Variants in PRKACB observed in about 807,000 individuals in gnomAD.
PRKACB encodes cAMP-dependent protein kinase catalytic subunit beta.
In PRKACB, 16 loss-of-function variants were observed where a neutral mutation model predicts 51.4. That is an observed-to-expected ratio of 0.31 (90% confidence interval 0.21 to 0.47). PRKACB has a LOEUF of 0.47. Among genes scored for constraint, PRKACB ranks in the 20% least tolerant of loss-of-function variants. PRKACB has a pLI of 1.00. For synonymous variants in PRKACB, 147 were observed against 154.4 expected, an observed-to-expected ratio of 0.95 and a Z score of 0.35; for missense variants, 309 against 464.5, an observed-to-expected ratio of 0.67 and a Z score of 3.08.
At chr1:84,203,519 A>G (rs1343781694) in intron 8 of PRKACB, among the ~76,000 whole-genome samples, 2 of 151,934 alleles carry the variant, frequency 1.3e-5, no homozygotes, top group Non-Finnish European at 2.9e-5. Flanking sequence ...TCTTTTTTTA[A>G]AAGACCATTG....
At chr1:84,080,001 C>G (rs959996256) in intron 1 of PRKACB, among the ~76,000 whole-genome samples, 6 of 152,104 alleles carry the variant, frequency 3.9e-5, no homozygotes, top group Non-Finnish European at 7.4e-5. Context: ...AATATAGTAA[C>G]TAACTGTGCA....
intron 1 of PRKACB, among the ~76,000 whole-genome samples, chr1:84,135,871 A>G (rs1282261588): frequency 6.6e-6 from 1 of 152,078 alleles, no homozygotes; most frequent in Non-Finnish European, 1.5e-5. Context: ...AAGAAGAGCA[A>G]TTTAAGCCCA....
Position 84,137,765 on chromosome 1 carries a change from A to G in PRKACB, c.47-41412A>G, listed in dbSNP as rs181871374. Among the ~76,000 whole-genome samples, 20 of 152,336 alleles carry G rather than the reference A, an allele frequency of 1.3e-4. No homozygotes were observed. The East Asian group carries it at 2.7e-3, about 21-fold the overall frequency. On this transcript the variant is annotated intron_variant, in intron 1 of 8. Coordinates refer to the PRKACB transcript ENST00000370688. ...CCAGGTTAACAATTCTGATATTTCT[A>G]TATGTATATACTGAAATTGAACAAG...
At chr1:84,220,820 T>C (rs1029005380) in intron 9 of PRKACB, among the ~76,000 whole-genome samples, 5 of 152,168 alleles carry the variant, frequency 3.3e-5, no homozygotes, top group African/African-American at 1.2e-4. Context: ...ATATATTTGT[T>C]GTGTTGTTGG....
chr1:84,222,594 C>T (rs1359860805), intron 9 of PRKACB, among the ~76,000 whole-genome samples: 1 of 152,082 alleles, frequency 6.6e-6, no homozygotes, highest in Non-Finnish European at 1.5e-5. Context: ...GTCTGCCCTA[C>T]CAGTGACTTT....
chr1:84,087,006 A>G (rs1030819972), intron 1 of PRKACB, among the ~76,000 whole-genome samples: 1 of 152,258 alleles, frequency 6.6e-6, no homozygotes, highest in Non-Finnish European at 1.5e-5. Context: ...CTGATCTTTG[A>G]AGATATTTTC....
chr1:84,229,478 C>T (rs787872), intron 9 of PRKACB, among the ~76,000 whole-genome samples: 57,151 of 117,930 alleles, frequency 0.48, 13,217 homozygotes, highest in Non-Finnish European at 0.62. Context: ...AATGGTATTT[C>T]TAGTTCTAGA....
intron 1 of PRKACB, among the ~76,000 whole-genome samples, chr1:84,086,538 T>C (rs529811476): frequency 1.3e-5 from 2 of 152,300 alleles, no homozygotes; most frequent in South Asian, 2.1e-4. Flanking sequence ...TTGGTCCTCA[T>C]CTCTGGTCCC....
At chr1:84,141,168 ACT>A (rs1558008300), upstream of PRKACB, among the ~76,000 whole-genome samples, 1 of 152,000 alleles carries the variant, frequency 6.6e-6, no homozygotes, top group Non-Finnish European at 1.5e-5. Context: ...GAAGTTGATT[ACT>A]CTCTAGTTTT....
chr1:84,199,090 TATATATGCATATATGTATATATATGC>T (rs1263111148), intron 7 of PRKACB, among the ~76,000 whole-genome samples: 9 of 137,626 alleles, frequency 6.5e-5, no homozygotes, highest in South Asian at 2.2e-4. Flanking sequence ...TATATATGCG[TATATATGCATATATGTATATATATGC>T]ATATATATAT....
intron 1 of PRKACB, among the ~76,000 whole-genome samples, chr1:84,117,694 T>G (rs1216037414): frequency 6.6e-6 from 1 of 152,192 alleles, no homozygotes; most frequent in African/African-American, 2.4e-5. Flanking sequence ...CTTTTCTTGG[T>G]TAGTATAGCT....
intron 1 of PRKACB, among the ~76,000 whole-genome samples, chr1:84,105,618 CA>C (rs1332590446): frequency 6.6e-6 from 1 of 151,858 alleles, no homozygotes; most frequent in Non-Finnish European, 1.5e-5. Context: ...TTCTGTCACC[CA>C]GGCTGGAGTG....
rs921968917 is a variant in PRKACB, at chr1:84,237,232, G to A, written c.*1927G>A. On this transcript the variant is annotated 3_prime_UTR_variant, in exon 10 of 10. Transcript: ENST00000370685. ...TGTTAATAAATTTAAAACATCATTC[G>A]TATAAAATATTTTAATTTTCTTGTA... The A allele has an allele frequency of 1.3e-5, 2 of 152,454 alleles. No homozygotes were observed. The highest frequency in any genetic ancestry group is 2.9e-5 in the Non-Finnish European group (2 of 67,962). 9.4% of individuals were successfully genotyped at this position (152,454 alleles called of 1,614,324 possible).
intron 2 of PRKACB, among the ~76,000 whole-genome samples, 197 bp from the exon 3 acceptor site, chr1:84,182,003 C>T (rs1344645537): frequency 6.6e-6 from 1 of 151,928 alleles, no homozygotes; most frequent in African/African-American, 2.4e-5. Context: ...ACATTCTCTC[C>T]TCAGATATTA....
At chr1:84,167,333 A>T (rs1180587227) in intron 1 of PRKACB, among the ~76,000 whole-genome samples, 1 of 151,618 alleles carries the variant, frequency 6.6e-6, no homozygotes, top group African/African-American at 2.4e-5. Flanking sequence ...CATGCAATCA[A>T]TGACTTACCT....
rs186137437 is a variant in PRKACB at position 84,236,339 on chromosome 1, A to T, written c.*1034A>T. Reference sequence around the variant, plus strand: ...TTTTGGAAACAATATAGAGGTATTCATATTTAAATGAGGGTTTACATTTGT... The same window carrying T: ...TTTTGGAAACAATATAGAGGTATTCTTATTTAAATGAGGGTTTACATTTGT... On this transcript the variant is annotated 3_prime_UTR_variant, in exon 10 of 10. Transcript: ENST00000370685. 1.3e-5 allele frequency: 2 copies of T among 152,592 alleles called. No individual in the cohort carries two copies. Among genetic ancestry groups the T allele is most frequent in the Non-Finnish European group, 1.5e-5 (1 of 68,026 alleles). 9.5% of individuals were successfully genotyped at this position (152,592 alleles called of 1,614,324 possible).
In PRKACB at chr1:84,136,781, A is replaced by C. The variant is rs146944602; in HGVS notation, c.47-42396A>C. On this transcript the variant is annotated intron_variant, in intron 1 of 8. Transcript: ENST00000370688. ...ATTGCCAAAAACTGGGAGCAACCAA[A>C]ATGTCCTTCAGTAGGTGAATGGATA... 4.4e-3 allele frequency among the ~76,000 whole-genome samples: 672 copies of C among 152,308 alleles called. 1 individual carries two copies. The highest frequency in any genetic ancestry group is 6.2e-3 in the Non-Finnish European group (421 of 68,012).
At chr1:84,192,403 G>A (rs369926936) in intron 5 of PRKACB, among the ~76,000 whole-genome samples, 3 of 152,052 alleles carry the variant, frequency 2.0e-5, no homozygotes, top group Non-Finnish European at 1.5e-5. Context: ...ATTTCTTTTA[G>A]TATAGGGACA....
At chr1:84,205,934 T>A (rs1187873751) in intron 8 of PRKACB, among the ~76,000 whole-genome samples, 1 of 152,170 alleles carries the variant, frequency 6.6e-6, no homozygotes, top group Non-Finnish European at 1.5e-5. Flanking sequence ...ATCCTAACAA[T>A]ACATATGCTG....
Sources: allele counts gnomAD v4.1 joint callset (sites outside exome capture counted in the v4.1 genomes callset), GRCh38; gene constraint gnomAD v4.1.1; transcripts MANE v1.5; gene names NCBI Gene and HGNC (gene_info 2026-07-23, HGNC 2026-07-21).